The following MON2 variants were observed in gnomAD, a reference collection of about 807,000 sequenced individuals.
The protein encoded by MON2 is protein MON2 homolog.
A neutral mutation model predicts 208.6 loss-of-function variants in MON2; 84 were observed. The ratio of observed to expected loss-of-function variants is 0.40; its 90% CI spans 0.34 to 0.48. MON2 has a LOEUF of 0.48. MON2 is among the 20% of genes least tolerant of loss of function. MON2 has a pLI of 0.59. For missense variants in MON2, 1,611 were observed against 2,015.4 expected, an observed-to-expected ratio of 0.80 and a Z score of 3.84; for synonymous variants, 660 against 694.0, an observed-to-expected ratio of 0.95 and a Z score of 0.77.
intron 12 of MON2, among the ~76,000 whole-genome samples, chr12:62,534,091 G>A (rs1003736357): frequency 1.3e-5 from 2 of 152,106 alleles, no homozygotes; most frequent in African/African-American, 4.8e-5. Flanking sequence ...TGAAGGCAAA[G>A]GGAAAGGAAA....
At chr12:62,555,183 A>ATT (rs528053290) in intron 24 of MON2, among the ~76,000 whole-genome samples, 1 of 149,312 alleles carries the variant, frequency 6.7e-6, no homozygotes, top group African/African-American at 2.5e-5. Flanking sequence ...ATTTAATTTA[A>ATT]TTTTTTTTTT....
At chr12:62,549,020 GA>G (rs1461173550) in intron 22 of MON2, among the ~76,000 whole-genome samples, 10 of 152,094 alleles carry the variant, frequency 6.6e-5, no homozygotes, top group Admixed American at 5.9e-4. Context: ...ACAGTGAGGA[GA>G]AAAATAACTG....
rs771654105 is a variant in MON2, at chr12:62,571,388, T to G, written c.4324-4T>G. On this transcript the variant is annotated splice_region_variant and splice_polypyrimidine_tract_variant and intron_variant, in intron 29 of 34. Transcript: ENST00000393630. The stretch of plus-strand genomic sequence containing the variant: ...TGCTTATATTAAACTGTCTTTATTT[T>G]CAGACTCTTAGGGTTCCTCTCAGTT... 6.5e-7 allele frequency: 1 copy of G among 1,545,888 alleles called. No individual in the cohort carries two copies. The highest frequency in any genetic ancestry group is 1.3e-5 in the South Asian group (1 of 78,882).
chr12:62,517,245 A>T (rs1447353331), intron 8 of MON2, among the ~76,000 whole-genome samples: 1 of 152,118 alleles, frequency 6.6e-6, no homozygotes, highest in Non-Finnish European at 1.5e-5. Context: ...TTTCCTTTTC[A>T]TATCCACTAG....
At chr12:62,555,830 T>C (rs1036330976) in intron 24 of MON2, among the ~76,000 whole-genome samples, 164 bp from the exon 25 acceptor site, 5 of 147,862 alleles carry the variant, frequency 3.4e-5, no homozygotes, top group Admixed American at 2.0e-4. Context: ...AAAAAAAGAA[T>C]GTATAATTAC....
chr12:62,480,460 G>T (rs546981153), intron 1 of MON2, among the ~76,000 whole-genome samples: 1 of 152,148 alleles, frequency 6.6e-6, no homozygotes, highest in African/African-American at 2.4e-5. Context: ...AGGCTACTCA[G>T]GAGGCTGAGA....
intron 29 of MON2, among the ~76,000 whole-genome samples, chr12:62,570,769 TG>T (rs1340126822): frequency 7.2e-6 from 1 of 138,016 alleles, no homozygotes; most frequent in Non-Finnish European, 1.5e-5. Flanking sequence ...AGTCTCACTC[TG>T]TTGCCGGGCT....
rs1277671041 is a variant in MON2 at position 62,596,387 on chromosome 12, T to A, written c.*3638T>A. 6.6e-6 allele frequency: 1 copy of A among 152,172 alleles called. No homozygotes were observed. Among genetic ancestry groups the A allele is most frequent in the Non-Finnish European group, 1.5e-5 (1 of 68,034 alleles). 9.4% of individuals were successfully genotyped at this position (152,172 alleles called of 1,614,324 possible). A position where few individuals can be genotyped will look rare whatever the true frequency, so the allele number is the denominator to read the frequency against. ...CAGGAGTCCCTAACTGTGCCACCCT[T>A]GGAATGGGTTAGTGTACAGGCTCAG... On this transcript the variant is annotated 3_prime_UTR_variant, in exon 35 of 35. Coordinates refer to ENST00000393630, the MANE Select transcript of MON2 (RefSeq NM_015026.3).
At chr12:62,508,127 C>T (rs111450427) in intron 7 of MON2, among the ~76,000 whole-genome samples, 159 bp from the exon 8 acceptor site, 13 of 152,056 alleles carry the variant, frequency 8.5e-5, no homozygotes, top group African/African-American at 2.9e-4. Flanking sequence ...CAAAATTGTG[C>T]GTAAACTATA....
intron 25 of MON2, among the ~76,000 whole-genome samples, chr12:62,557,929 T>G (rs1174745337): frequency 1.4e-4 from 5 of 35,324 alleles, no homozygotes; most frequent in African/African-American, 6.3e-4. Flanking sequence ...CGAATAGATT[T>G]ATATATATAT....
chr12:62,544,919 C>A lies in MON2; in HGVS notation c.2488C>A (p.Arg830=), dbSNP rs745605646. 1 of 1,607,908 alleles carries A rather than the reference C, an allele frequency of 6.2e-7. No individual in the cohort carries two copies. Among genetic ancestry groups the A allele is most frequent in the Non-Finnish European group, 8.5e-7 (1 of 1,177,254 alleles). The change falls in exon 21 of 35, where the codon CGA becomes AGA. Residue 830 remains arginine, a synonymous_variant. Transcript: ENST00000393630. ...LLEVCQHPNS[R]MREWGAEALT... ...TCAGGTCTGCCAGCATCCAAACTCTCGAATGAGAGAATGGGGAGCAGAAGC... is the reference window on the plus strand; with the variant it reads ...TCAGGTCTGCCAGCATCCAAACTCTAGAATGAGAGAATGGGGAGCAGAAGC...
intron 11 of MON2, among the ~76,000 whole-genome samples, chr12:62,529,170 A>G (rs899247008): frequency 2.0e-5 from 3 of 152,196 alleles, no homozygotes; most frequent in Non-Finnish European, 2.9e-5. Context: ...AAATTTCATA[A>G]TCAACAATGT....
chr12:62,582,182 A>G (rs186152211), intron 32 of MON2, among the ~76,000 whole-genome samples: 58 of 152,368 alleles, frequency 3.8e-4, no homozygotes, highest in African/African-American at 1.3e-3. Context: ...AATATTCACA[A>G]TTAGGTATAA....
chr12:62,550,941 C>A (rs573307963), intron 23 of MON2, among the ~76,000 whole-genome samples: 8 of 125,664 alleles, frequency 6.4e-5, no homozygotes, highest in African/African-American at 2.1e-4. Flanking sequence ...TTTTCTGAGA[C>A]GGAGTCTTGC....
At chr12:62,532,039 G>A (rs757205297) in intron 11 of MON2, among the ~76,000 whole-genome samples, 37 of 152,148 alleles carry the variant, frequency 2.4e-4, no homozygotes, top group Non-Finnish European at 4.6e-4. Context: ...AAAGTGCTTG[G>A]ATTACAGGCG....
chr12:62,544,227 T>A (rs2073375108), intron 20 of MON2, among the ~76,000 whole-genome samples: 1 of 152,054 alleles, frequency 6.6e-6, no homozygotes, highest in African/African-American at 2.4e-5. Flanking sequence ...GGAGGATTAC[T>A]TAAGCCCAGG....
At chr12:62,505,884 C>A (rs2071075960) in intron 7 of MON2, among the ~76,000 whole-genome samples, 1 of 151,958 alleles carries the variant, frequency 6.6e-6, no homozygotes, top group Admixed American at 6.6e-5. Context: ...GAGCAAGACC[C>A]TATTTCAAAA....
intron 11 of MON2, among the ~76,000 whole-genome samples, chr12:62,526,687 C>T (rs921416125): frequency 6.6e-6 from 1 of 152,050 alleles, no homozygotes; most frequent in Admixed American, 6.6e-5. Flanking sequence ...AATGCATACT[C>T]AATAATGTAT....
chr12:62,533,500 C>T (rs967966745), intron 12 of MON2, among the ~76,000 whole-genome samples: 27 of 152,132 alleles, frequency 1.8e-4, no homozygotes, highest in African/African-American at 6.0e-4. Context: ...TGGTTTGATG[C>T]TCAGATTGTT....
Sources: allele counts gnomAD v4.1 joint callset (sites outside exome capture counted in the v4.1 genomes callset), GRCh38; gene constraint gnomAD v4.1.1; transcripts MANE v1.5; gene names NCBI Gene and HGNC (gene_info 2026-07-23, HGNC 2026-07-21).